The following COL4A2 variants were observed in gnomAD, a reference collection of about 807,000 sequenced individuals.
COL4A2 encodes the protein collagen alpha-2(IV) chain.
Under a neutral mutation model 200.2 loss-of-function variants are expected in COL4A2, and 99 were observed. The ratio of observed to expected loss-of-function variants is 0.49; its 90% CI spans 0.42 to 0.58. The LOEUF (loss-of-function observed/expected upper bound fraction) is 0.58, where lower values mean the gene tolerates loss of function less well. Among genes scored for constraint, COL4A2 ranks in the 20% least tolerant of loss-of-function variants. COL4A2 has a pLI of 0.00. For missense variants in COL4A2, 1,950 were observed against 2,314.1 expected (o/e 0.84, Z 3.23); for synonymous variants, 897 against 900.6 (o/e 1.00, Z 0.07).
At chr13:110,465,859 C>T in intron 25 of COL4A2, 144 bp from the exon 26 acceptor site, 1 of 1,039,980 alleles carries the variant, frequency 9.6e-7, no homozygotes. Context: ...AGATGGCTTT[C>T]CCGTTCCCTG....
chr13:110,465,039 A>G (rs898783540), intron 24 of COL4A2, among the ~76,000 whole-genome samples: 1 of 152,256 alleles, frequency 6.6e-6, no homozygotes, highest in Admixed American at 6.5e-5. Context: ...ATGCTAAATT[A>G]TAACAACAAA....
intron 4 of COL4A2, among the ~76,000 whole-genome samples, chr13:110,393,448 A>C (rs1879066026): frequency 6.6e-6 from 1 of 152,208 alleles, no homozygotes; most frequent in Non-Finnish European, 1.5e-5. Flanking sequence ...ATAAAATGAA[A>C]TATTTCTGTT....
intron 3 of COL4A2, among the ~76,000 whole-genome samples, chr13:110,346,043 A>G (rs1389616673): frequency 6.6e-6 from 1 of 152,178 alleles, no homozygotes; most frequent in Non-Finnish European, 1.5e-5. Flanking sequence ...AACCCCAGCC[A>G]GGATCCTGGG....
chr13:110,488,639 C>T (rs533566070), intron 34 of COL4A2, among the ~76,000 whole-genome samples: 8 of 152,334 alleles, frequency 5.3e-5, no homozygotes, highest in East Asian at 1.9e-4. Flanking sequence ...ACTGAAATCC[C>T]GGTTCTGCCA....
rs1877915485 is a variant in COL4A2, at chr13:110,369,644, A to T, written c.180+12092A>T. Reference sequence around the variant, plus strand: ...ACTATGGCATAGGCTATGGTTAATAAAACTGCAACAAAGGAAAATTTTAGC... The same window carrying T: ...ACTATGGCATAGGCTATGGTTAATATAACTGCAACAAAGGAAAATTTTAGC... On this transcript the variant is annotated intron_variant, in intron 4 of 47. Transcript: ENST00000360467. Among the ~76,000 whole-genome samples, 4 of 152,296 alleles carry T rather than the reference A, an allele frequency of 2.6e-5. No homozygotes were observed. The South Asian group carries it at 8.3e-4, about 32-fold the overall frequency.
intron 19 of COL4A2, 28 bp downstream of exon 19, chr13:110,449,817 G>T: frequency 6.5e-7 from 1 of 1,542,278 alleles, no homozygotes; most frequent in Non-Finnish European, 8.7e-7. Context: ...TATCAACACC[G>T]GAGACCCAAA....
At chr13:110,420,001 G>T (rs1880186392) in intron 4 of COL4A2, among the ~76,000 whole-genome samples, 1 of 152,174 alleles carries the variant, frequency 6.6e-6, no homozygotes, top group South Asian at 2.1e-4. Flanking sequence ...GGTTATGGTG[G>T]TCTCGTGCAT....
At chr13:110,360,095 G>T (rs1232697365) in intron 4 of COL4A2, among the ~76,000 whole-genome samples, 1 of 152,162 alleles carries the variant, frequency 6.6e-6, no homozygotes, top group Non-Finnish European at 1.5e-5. Context: ...CACTTCTGTG[G>T]CAGTGATGAG....
At chr13:110,432,122 G>A (rs1359189540) in intron 10 of COL4A2, among the ~76,000 whole-genome samples, 1 of 152,156 alleles carries the variant, frequency 6.6e-6, no homozygotes, top group Admixed American at 6.5e-5. Context: ...GTAGACAGCC[G>A]GCAGATTCTG....
intron 4 of COL4A2, among the ~76,000 whole-genome samples, chr13:110,404,924 G>C (rs1315003554): frequency 1.3e-5 from 2 of 152,130 alleles, no homozygotes; most frequent in African/African-American, 4.8e-5. Flanking sequence ...TTGAGCTCAG[G>C]AGCTCAAGAC....
chr13:110,340,939 A>T (rs1876421400), intron 3 of COL4A2: 1 of 152,200 alleles, frequency 6.6e-6, no homozygotes, highest in Non-Finnish European at 1.5e-5. Flanking sequence ...GAGGAGGAGT[A>T]TTGTCTATTA....
intron 43 of COL4A2, 51 bp downstream of exon 43, chr13:110,503,532 C>T: frequency 8.6e-7 from 1 of 1,156,478 alleles, no homozygotes; most frequent in Non-Finnish European, 1.2e-6. Flanking sequence ...CCAGCCTCTC[C>T]AGGCTTGGGG....
At chr13:110,374,902 C>T (rs909861072) in intron 4 of COL4A2, among the ~76,000 whole-genome samples, 2 of 152,186 alleles carry the variant, frequency 1.3e-5, no homozygotes, top group Non-Finnish European at 2.9e-5. Flanking sequence ...CAAGTCTTAC[C>T]CTCTAAGTCA....
intron 24 of COL4A2, among the ~76,000 whole-genome samples, chr13:110,464,953 C>T (rs1298805940): frequency 2.0e-5 from 3 of 152,240 alleles, no homozygotes; most frequent in African/African-American, 4.8e-5. Context: ...GAGGCGCACA[C>T]GGCTCTTTCC....
chr13:110,499,456 C>G (rs566328274), intron 40 of COL4A2, among the ~76,000 whole-genome samples: 25 of 152,204 alleles, frequency 1.6e-4, no homozygotes, highest in Non-Finnish European at 3.4e-4. Context: ...AGGATAGCCA[C>G]CCCCGTGATT....
At chr13:110,374,055 G>A (rs1044985462) in intron 4 of COL4A2, among the ~76,000 whole-genome samples, 3 of 152,102 alleles carry the variant, frequency 2.0e-5, no homozygotes, top group Non-Finnish European at 4.4e-5. Flanking sequence ...CATCATAATC[G>A]TGTCACGTCC....
chr13:110,474,745 C>CT (rs144123756), intron 29 of COL4A2, among the ~76,000 whole-genome samples: 5,283 of 59,212 alleles, frequency 0.089, 1,249 homozygotes, highest in Middle Eastern at 0.15. Context: ...ACACACGTGC[C>CT]GTGCACACTC....
chr13:110,487,711 A>G (rs1251501598), intron 34 of COL4A2, among the ~76,000 whole-genome samples: 1 of 152,220 alleles, frequency 6.6e-6, no homozygotes, highest in Non-Finnish European at 1.5e-5. Context: ...GTTGAACAAA[A>G]TAAACCAGAA....
At chr13:110,336,974 T>A (rs1876220398) in intron 3 of COL4A2, among the ~76,000 whole-genome samples, 1 of 152,160 alleles carries the variant, frequency 6.6e-6, no homozygotes, top group Non-Finnish European at 1.5e-5. Context: ...CCTATACAGG[T>A]TACATCAGAA....
Sources: allele counts gnomAD v4.1 joint callset (sites outside exome capture counted in the v4.1 genomes callset), GRCh38; gene constraint gnomAD v4.1.1; transcripts MANE v1.5; gene names NCBI Gene and HGNC (gene_info 2026-07-23, HGNC 2026-07-21).